ISOC1: variants seen among roughly 807,000 people sequenced by gnomAD.
ISOC1 encodes the protein isochorismatase domain-containing protein 1.
Under a neutral mutation model 30.0 loss-of-function variants are expected in ISOC1, and 33 were observed. The observed-to-expected ratio is 1.10, with a 90% CI of 0.83 to 1.47. ISOC1 has a LOEUF of 1.47. Ranked by LOEUF, ISOC1 falls within the 40% of genes most tolerant of loss-of-function variation. The pLI, the probability that ISOC1 is intolerant of heterozygous loss-of-function variation, is 0.00. For missense variants in ISOC1, 372 were observed against 388.0 expected, an observed-to-expected ratio of 0.96 and a Z score of 0.35; for synonymous variants, 178 against 159.8, an observed-to-expected ratio of 1.11 and a Z score of -0.86.
chr5:129,108,763 C>T (rs1174198204), intron 4 of ISOC1, among the ~76,000 whole-genome samples: 1 of 152,118 alleles, frequency 6.6e-6, no homozygotes, highest in African/African-American at 2.4e-5. Context: ...TTACTTGCCT[C>T]GGCCTCCCAA....
At chr5:129,107,307 C>T (rs955133023) in intron 4 of ISOC1, among the ~76,000 whole-genome samples, 3 of 152,096 alleles carry the variant, frequency 2.0e-5, no homozygotes, top group Admixed American at 6.5e-5. Context: ...TTACATCTTT[C>T]GTCATACGTT....
intron 1 of ISOC1, 48 bp downstream of exon 1, chr5:129,095,123 C>T (rs79834801): frequency 6.1e-6 from 9 of 1,479,342 alleles, no homozygotes; most frequent in South Asian, 2.7e-5. Flanking sequence ...GAGTCGTCCC[C>T]GTCCCCGTCC....
At chr5:129,102,553 A>C (rs566063908) in intron 1 of ISOC1, among the ~76,000 whole-genome samples, 2 of 152,312 alleles carry the variant, frequency 1.3e-5, no homozygotes, top group East Asian at 3.9e-4. Context: ...TTATTCTTTT[A>C]AACACCTCAA....
intron 1 of ISOC1, among the ~76,000 whole-genome samples, chr5:129,103,668 A>G (rs1355591233): frequency 1.3e-5 from 2 of 152,172 alleles, no homozygotes; most frequent in Admixed American, 1.3e-4. Context: ...TCATGTAGTA[A>G]TTGTTTCCAG....
In ISOC1 at chr5:129,106,971, C is replaced by T. The variant is rs1753646336; in HGVS notation, c.659C>T (p.Ala220Val). Residue 220 changes from alanine (A) to valine (V), a missense_variant, in exon 4 of 5, where the codon GCC becomes GTC. Ala to Val is a moderately conservative substitution (Grantham distance 64). Transcript: ENST00000173527. ...ACTCATGTGTGCATCCAACAAACTG[C>T]CCTGGAGCTAGTTGGCCGAGGAGTC... ...VETHVCIQQT[A>V]LELVGRGVEV... 1 of 1,613,614 alleles carries T rather than the reference C, an allele frequency of 6.2e-7. No individual in the cohort carries two copies.
At chr5:129,101,740 T>A (rs1234263591) in intron 1 of ISOC1, among the ~76,000 whole-genome samples, 1 of 152,202 alleles carries the variant, frequency 6.6e-6, no homozygotes, top group Non-Finnish European at 1.5e-5. Context: ...TTTCACTAGC[T>A]TTTCCCTAAT....
At chr5:129,101,176 A>T (rs1753566123) in intron 1 of ISOC1, among the ~76,000 whole-genome samples, 1 of 106,124 alleles carries the variant, frequency 9.4e-6, no homozygotes, top group African/African-American at 4.7e-5. Flanking sequence ...AAAAAAAAAA[A>T]AAAAAAAAAA....
chr5:129,112,616 G>A (rs918324978), intron 4 of ISOC1, among the ~76,000 whole-genome samples: 15 of 151,876 alleles, frequency 9.9e-5, no homozygotes, highest in African/African-American at 3.4e-4. Context: ...TCATAACTTT[G>A]GCTACCTGTT....
Position 129,095,121 on chromosome 5 carries a change from C to A in ISOC1, c.309+46C>A, listed in dbSNP as rs761567626. 2.7e-6 allele frequency: 4 copies of A among 1,476,166 alleles called. No homozygotes were observed. The South Asian group carries it at 5.4e-5, about 20-fold the overall frequency. 91.4% of individuals were successfully genotyped at this position (1,476,166 alleles called of 1,614,324 possible). A position where few individuals can be genotyped will look rare whatever the true frequency, so the allele number is the denominator to read the frequency against. On this transcript the variant is annotated intron_variant, in intron 1 of 4. Coordinates refer to ENST00000173527, the MANE Select transcript of ISOC1 (RefSeq NM_016048.2). ...CGCGCTTCCCTGTTCCCGAGTCGTCCCCGTCCCCGTCCCTGTCCCCGCCTT... is the reference window on the plus strand; with the variant it reads ...CGCGCTTCCCTGTTCCCGAGTCGTCACCGTCCCCGTCCCTGTCCCCGCCTT...
At chr5:129,097,868 G>A (rs966794407) in intron 1 of ISOC1, 1 of 152,638 alleles carries the variant, frequency 6.6e-6, no homozygotes, top group Non-Finnish European at 1.5e-5. Context: ...ATTTGTCTTG[G>A]TGCTGCTCCT....
chr5:129,105,511 G>A (rs41298338), intron 3 of ISOC1, 123 bp downstream of exon 3: 14,499 of 764,704 alleles, frequency 0.019, 249 homozygotes, highest in African/African-American at 0.073. Context: ...TAGCCACCAT[G>A]TATTATGTTC....
intron 4 of ISOC1, among the ~76,000 whole-genome samples, chr5:129,107,274 T>G (rs188479100): frequency 2.0e-5 from 3 of 152,192 alleles, no homozygotes; most frequent in Admixed American, 2.0e-4. Context: ...AGATCAAGGT[T>G]TCTAGCGTTG....
In ISOC1 at chr5:129,096,691, T is replaced by C. The variant is rs533303692; in HGVS notation, c.309+1616T>C. Among the ~76,000 whole-genome samples, 147 of 152,336 alleles carry C rather than the reference T, an allele frequency of 9.6e-4. 1 individual carries two copies. Among genetic ancestry groups the C allele is most frequent in the Non-Finnish European group, 2.8e-4 (19 of 68,028 alleles). On this transcript the variant is annotated intron_variant, in intron 1 of 4. Coordinates refer to ENST00000173527, the MANE Select transcript of ISOC1 (RefSeq NM_016048.2). ...TACTGCTGCCAGAATACTCAGATGT[T>C]GGATGCACCTTTGAGAAGTCCATTT...
intron 1 of ISOC1, among the ~76,000 whole-genome samples, chr5:129,098,953 G>T (rs1372099356): frequency 6.6e-6 from 1 of 152,118 alleles, no homozygotes; most frequent in African/African-American, 2.4e-5. Context: ...AGTGGTTTTT[G>T]ATTACAAAAC....
In ISOC1 at chr5:129,094,947, C is replaced by T; in HGVS notation, c.181C>T (p.Gln61Ter). ...GAAGTTCCTCAGCCTGTACGGCGAC[C>T]AGATCGACATGCACCGCAAATTCGT... Reference protein sequence around the residue: ...IQKFLSLYGDQIDMHRKFVVQ... With the variant: ...IQKFLSLYGD The change falls in exon 1 of 5, where the codon CAG becomes TAG. Residue 61 changes from glutamine to a stop codon, truncating the protein, a stop_gained. Coordinates refer to ENST00000173527, the MANE Select transcript of ISOC1 (RefSeq NM_016048.2). LOFTEE classifies it high-confidence loss of function. The T allele has an allele frequency of 6.2e-7, 1 of 1,612,252 alleles. No homozygotes were observed. Among genetic ancestry groups the T allele is most frequent in the East Asian group, 2.2e-5 (1 of 44,852 alleles).
At chr5:129,104,675 G>A (rs1258044742) in intron 1 of ISOC1, among the ~76,000 whole-genome samples, 1 of 151,806 alleles carries the variant, frequency 6.6e-6, no homozygotes, top group Non-Finnish European at 1.5e-5. Flanking sequence ...TTTTTAATTG[G>A]CTAAAAAATG....
rs201165431 is a variant in ISOC1 at position 129,112,882 on chromosome 5, A to T, written c.778A>T (p.Thr260Ser). The stretch of plus-strand genomic sequence containing the variant: ...TCTCGCTCGAACCGGGATCATAGTG[A>T]CCACGAGTGAGGCTGTTCTGCTTCA... The part of the protein sequence containing the change: ...ERLARTGIIV[T>S]TSEAVLLQLV... Residue 260 changes from threonine (T) to serine (S), a missense_variant, in exon 5 of 5, where the codon ACC becomes TCC. By Grantham distance (58) the Thr-to-Ser change is moderately conservative (BLOSUM62 1). Coordinates refer to ENST00000173527, the MANE Select transcript of ISOC1 (RefSeq NM_016048.2). The T allele has an allele frequency of 7.7e-5, 124 of 1,613,492 alleles. No homozygotes were observed. The highest frequency in any genetic ancestry group is 1.0e-4 in the Non-Finnish European group (118 of 1,179,752).
At chr5:129,096,947 TAATG>T (rs1753510148) in intron 1 of ISOC1, among the ~76,000 whole-genome samples, 1 of 152,190 alleles carries the variant, frequency 6.6e-6, no homozygotes, top group African/African-American at 2.4e-5. Context: ...TTCTAGAAAT[TAATG>T]AAATGTATGT....
In ISOC1 at chr5:129,107,070, T is replaced by A. The variant is rs1020852273; in HGVS notation, c.750+8T>A. 4 of 1,599,526 alleles carry A rather than the reference T, an allele frequency of 2.5e-6. No individual in the cohort carries two copies. Among genetic ancestry groups the A allele is most frequent in the Non-Finnish European group, 3.4e-6 (4 of 1,167,096 alleles). On this transcript the variant is annotated splice_region_variant and intron_variant, in intron 4 of 4. Transcript: ENST00000173527. ...AGGATGTTTGCCCTCGAGGTAATTG[T>A]CCTGCTTGGGAATAGATCATTTGTC...
Sources: allele counts gnomAD v4.1 joint callset (sites outside exome capture counted in the v4.1 genomes callset), GRCh38; gene constraint gnomAD v4.1.1; transcripts MANE v1.5; gene names NCBI Gene and HGNC (gene_info 2026-07-23, HGNC 2026-07-21).